Variants in VTI1A observed in about 807,000 individuals in gnomAD.
VTI1A encodes vesicle transport through interaction with t-SNAREs 1A, also known as vesicle transport through interaction with t-SNAREs homolog 1A.
In VTI1A, 22 loss-of-function variants were observed where a neutral mutation model predicts 34.9. The ratio of observed to expected loss-of-function variants is 0.63; its 90% confidence interval spans 0.45 to 0.90. VTI1A has a LOEUF of 0.90. VTI1A is among the 40% of genes least tolerant of loss of function. The pLI is 0.00. For synonymous variants in VTI1A, 87 were observed against 97.3 expected (o/e 0.89, Z 0.62); for missense variants, 268 against 275.6 (o/e 0.97, Z 0.20).
chr10:112,544,561 C>G (rs535954136), intron 5 of VTI1A, among the ~76,000 whole-genome samples: 3 of 151,388 alleles, frequency 2.0e-5, no homozygotes, highest in Non-Finnish European at 2.9e-5. Flanking sequence ...GTAAACGACG[C>G]GAGGTATTCA....
intron 5 of VTI1A, among the ~76,000 whole-genome samples, chr10:112,588,483 A>G (rs1844248609): frequency 6.6e-6 from 1 of 152,326 alleles, no homozygotes; most frequent in South Asian, 2.1e-4. Flanking sequence ...TGAAAATATT[A>G]TGTTGTAACA....
chr10:112,745,973 T>C (rs1431096758), intron 7 of VTI1A, among the ~76,000 whole-genome samples: 1 of 152,208 alleles, frequency 6.6e-6, no homozygotes, highest in East Asian at 1.9e-4. Flanking sequence ...TTATGCTAAT[T>C]CATGTCTTGT....
chr10:112,622,142 A>C (rs1480120382), intron 5 of VTI1A, among the ~76,000 whole-genome samples: 1 of 152,176 alleles, frequency 6.6e-6, no homozygotes, highest in Non-Finnish European at 1.5e-5. Flanking sequence ...AGAAACATAG[A>C]GTTATCCCAT....
At chr10:112,642,977 C>CTTTTTTTTTTTT (rs58619611) in intron 5 of VTI1A, among the ~76,000 whole-genome samples, 6 of 121,014 alleles carry the variant, frequency 5.0e-5, no homozygotes, top group Admixed American at 9.4e-5. Flanking sequence ...TTTTTCTTTT[C>CTTTTTTTTTTTT]TTTTTTTTTT....
intron 7 of VTI1A, among the ~76,000 whole-genome samples, chr10:112,718,403 T>A (rs757816240): frequency 5.9e-5 from 9 of 152,342 alleles, no homozygotes; most frequent in Admixed American, 2.0e-4. Flanking sequence ...AGCATTAGCA[T>A]GTTCGTGGTA....
rs920002673 is a variant in VTI1A, at chr10:112,455,754, A to G, written c.95-4770A>G. On this transcript the variant is annotated intron_variant, in intron 1 of 7. Coordinates refer to ENST00000393077, the MANE Select transcript of VTI1A (RefSeq NM_145206.4). ...CCTTCTTAAAAACATGAGGAACACT[A>G]TAAGGACCAATCAAAGAATGTCTCA... is the stretch of plus-strand genomic sequence containing the variant. 2.6e-5 allele frequency among the ~76,000 whole-genome samples: 4 copies of G among 151,312 alleles called. No homozygotes were observed. The East Asian group carries it at 7.9e-4, about 30-fold the overall frequency.
At chr10:112,533,504 CT>C (rs967324158) in intron 4 of VTI1A, 10 of 1,007,740 alleles carry the variant, frequency 9.9e-6, no homozygotes, top group East Asian at 1.4e-4. Flanking sequence ...TCCTTTTTAT[CT>C]TTTTTTTGTG....
At chr10:112,792,748 G>A (rs1036948920) in intron 7 of VTI1A, among the ~76,000 whole-genome samples, 1 of 152,194 alleles carries the variant, frequency 6.6e-6, no homozygotes. Context: ...CCTTTTAAAA[G>A]AGGGGAAAGG....
At chr10:112,489,508 T>C (rs904044620) in intron 3 of VTI1A, among the ~76,000 whole-genome samples, 2 of 152,208 alleles carry the variant, frequency 1.3e-5, no homozygotes, top group East Asian at 3.8e-4. Context: ...TAAAGTATCA[T>C]TAAGAATGCA....
chr10:112,774,992 G>T (rs944450467), intron 7 of VTI1A, among the ~76,000 whole-genome samples: 3 of 152,118 alleles, frequency 2.0e-5, no homozygotes, highest in Non-Finnish European at 2.9e-5. Context: ...GAACAATGAC[G>T]CCTGTGTCAC....
At chr10:112,601,733 C>A (rs994240858) in intron 5 of VTI1A, among the ~76,000 whole-genome samples, 3 of 152,076 alleles carry the variant, frequency 2.0e-5, no homozygotes, top group African/African-American at 7.2e-5. Flanking sequence ...ATTAGTAAGA[C>A]AAGGGGATGG....
chr10:112,504,968 G>A (rs1271620593), intron 3 of VTI1A, among the ~76,000 whole-genome samples: 1 of 151,836 alleles, frequency 6.6e-6, no homozygotes, highest in East Asian at 1.9e-4. Context: ...ATTCGTTGTT[G>A]ATTTCTTTTG....
chr10:112,834,593 C>T, the VTI1A span, among the ~76,000 whole-genome samples: 3 of 152,250 alleles, frequency 2.0e-5, no homozygotes, highest in African/African-American at 7.2e-5. Context: ...TAAATTTCAG[C>T]TCTTGTTACC....
At chr10:112,619,157 A>AT (rs954009088) in intron 5 of VTI1A, among the ~76,000 whole-genome samples, 8 of 150,490 alleles carry the variant, frequency 5.3e-5, no homozygotes, top group Non-Finnish European at 7.4e-5. Context: ...ACTAGCAGGT[A>AT]TTTTTTTTTC....
At chr10:112,470,314 G>A (rs1848033414) in intron 3 of VTI1A, among the ~76,000 whole-genome samples, 1 of 152,130 alleles carries the variant, frequency 6.6e-6, no homozygotes, top group African/African-American at 2.4e-5. Context: ...AATTGACACT[G>A]GACAGATTAA....
At chr10:112,555,436 C>A (rs1439887048) in intron 5 of VTI1A, among the ~76,000 whole-genome samples, 1 of 152,054 alleles carries the variant, frequency 6.6e-6, no homozygotes, top group African/African-American at 2.4e-5. Context: ...TCTACAGTAA[C>A]AGACTTTAAA....
At chr10:112,544,092 T>G (rs542209636) in intron 5 of VTI1A, among the ~76,000 whole-genome samples, 6 of 152,246 alleles carry the variant, frequency 3.9e-5, no homozygotes, top group African/African-American at 1.4e-4. Context: ...CCTTGTAGTA[T>G]AGTTTGAAGT....
At chr10:112,510,989 A>C (rs975635567) in intron 3 of VTI1A, among the ~76,000 whole-genome samples, 1 of 152,152 alleles carries the variant, frequency 6.6e-6, no homozygotes, top group East Asian at 1.9e-4. Context: ...GATTTATTTG[A>C]TATTCACTAA....
At chr10:112,476,281 C>T (rs191804330) in intron 3 of VTI1A, among the ~76,000 whole-genome samples, 5 of 152,210 alleles carry the variant, frequency 3.3e-5, no homozygotes, top group Admixed American at 2.0e-4. Flanking sequence ...AATATATGGC[C>T]AGAAACTGTG....
Sources: allele counts gnomAD v4.1 joint callset (sites outside exome capture counted in the v4.1 genomes callset), GRCh38; gene constraint gnomAD v4.1.1; transcripts MANE v1.5; gene names NCBI Gene and HGNC (gene_info 2026-07-23, HGNC 2026-07-21).